Variants in KCNK10 observed in about 807,000 individuals in gnomAD.
KCNK10 encodes the protein potassium two pore domain channel subfamily K member 10.
In KCNK10, 25 loss-of-function variants were observed where a neutral mutation model predicts 47.7. The observed-to-expected ratio is 0.52, with a 90% CI of 0.38 to 0.73. The LOEUF (loss-of-function observed/expected upper bound fraction) is 0.73. Among genes scored for constraint, KCNK10 ranks in the 30% least tolerant of loss-of-function variants. The pLI, the probability that KCNK10 is intolerant of heterozygous loss-of-function variation, is 0.00. For missense variants in KCNK10, 563 were observed against 714.5 expected (o/e 0.79, Z 2.42); for synonymous variants, 303 against 285.6 (o/e 1.06, Z -0.61).
intron 1 of KCNK10, among the ~76,000 whole-genome samples, chr14:88,311,326 G>T (rs531371032): frequency 2.7e-5 from 4 of 146,516 alleles, no homozygotes; most frequent in African/African-American, 7.7e-5. Context: ...AGACATTCCT[G>T]TTATTCTCAG....
intron 1 of KCNK10, among the ~76,000 whole-genome samples, chr14:88,287,677 GTGTGTGT>G (rs1566715209): frequency 0.051 from 1,862 of 36,864 alleles, 23 homozygotes; most frequent in Middle Eastern, 0.087. Context: ...ATTCCATGGT[GTGTGTGT>G]GTGTGTGTGT....
rs999008261 is a variant in KCNK10, at chr14:88,181,455, G to T, written c.*4080C>A. ...GTGTGTGTGTGAGAGAGAGAGAGATGTCTGTCTGATCATAGTACTTGAATT... is the reference window on the plus strand; with the variant it reads ...GTGTGTGTGTGAGAGAGAGAGAGATTTCTGTCTGATCATAGTACTTGAATT... On this transcript the variant is annotated 3_prime_UTR_variant, in exon 7 of 7. Coordinates refer to ENST00000319231, the MANE Select transcript of KCNK10 (RefSeq NM_138317.3). 4 of 151,992 alleles carry T rather than the reference G, an allele frequency of 2.6e-5. No homozygotes were observed. The highest frequency in any genetic ancestry group is 5.9e-5 in the Non-Finnish European group (4 of 68,102). 9.4% of individuals were successfully genotyped at this position (151,992 alleles called of 1,614,324 possible).
rs1887082000 is a variant in KCNK10 at position 88,260,554 on chromosome 14, A to G, written c.402+2648T>C. Among the ~76,000 whole-genome samples, 1 of 152,216 alleles carries G rather than the reference A, an allele frequency of 6.6e-6. No homozygotes were observed. Among genetic ancestry groups the G allele is most frequent in the African/African-American group, 2.4e-5 (1 of 41,466 alleles). On this transcript the variant is annotated intron_variant, in intron 2 of 6. Transcript: ENST00000319231. This position sits in a 1 kb window ranked among gnomAD's most constrained non-coding sequence, Gnocchi z 4.5. ...CAAGATCTACTTAAAGGGCCTGTAG[A>G]CTATTTGGATGAGAGAGTGTACAGT... is the stretch of plus-strand genomic sequence containing the variant.
Position 88,322,605 on chromosome 14 carries a change from C to T in KCNK10, c.52+142G>A, listed in dbSNP as rs1888570368. 9.0e-7 allele frequency: 1 copy of T among 1,110,548 alleles called. No homozygotes were observed. Among genetic ancestry groups the T allele is most frequent in the Non-Finnish European group, 1.3e-6 (1 of 754,842 alleles). The allele number at this position is 1,110,548 out of a possible 1,614,324, so 68.8% of individuals were successfully genotyped here. A position where few individuals can be genotyped will look rare whatever the true frequency, so the allele number is the denominator to read the frequency against. ...GAACCCACGCTGCCTCCGCCCTCCT[C>T]CCACCCGCGCTGCAGTTCCCAGGCG... is the stretch of plus-strand genomic sequence containing the variant. On this transcript the variant is annotated intron_variant, in intron 1 of 6. Coordinates refer to ENST00000319231, the MANE Select transcript of KCNK10 (RefSeq NM_138317.3). The surrounding 1 kb of genome is among the most constrained non-coding windows in gnomAD (Gnocchi z 4.8).
At chr14:88,305,114 G>A (rs377656656) in intron 1 of KCNK10, among the ~76,000 whole-genome samples, 5 of 151,938 alleles carry the variant, frequency 3.3e-5, no homozygotes, top group East Asian at 1.9e-4. Flanking sequence ...TGGGAGAATC[G>A]CTTGAACCTG....
At chr14:88,209,056 G>T (rs1293411448) in intron 4 of KCNK10, among the ~76,000 whole-genome samples, 1 of 152,192 alleles carries the variant, frequency 6.6e-6, no homozygotes, top group Non-Finnish European at 1.5e-5. Context: ...CACTCAATCT[G>T]AGAGGGGAAA....
intron 2 of KCNK10, among the ~76,000 whole-genome samples, chr14:88,250,656 A>G (rs1337980417): frequency 6.6e-6 from 1 of 152,182 alleles, no homozygotes. Context: ...ATGTCCCTAA[A>G]TAGGGAAATA....
Position 88,181,439 on chromosome 14 carries a change from T to TAA in KCNK10, c.*4095_*4096insTT, listed in dbSNP as rs1884351520. ...GCGTGTGTGTGTGTGTGTGTGTGTG[T>TAA]GAGAGAGAGAGAGATGTCTGTCTGA... On this transcript the variant is annotated 3_prime_UTR_variant, in exon 7 of 7. Coordinates refer to ENST00000319231, the MANE Select transcript of KCNK10 (RefSeq NM_138317.3). 7.9e-6 allele frequency: 1 copy of TAA among 126,150 alleles called. No individual in the cohort carries two copies. The highest frequency in any genetic ancestry group is 1.5e-5 in the Non-Finnish European group (1 of 64,808). 7.8% of individuals were successfully genotyped at this position (126,150 alleles called of 1,614,324 possible).
At chr14:88,221,679 C>T (rs1257609340) in intron 4 of KCNK10, among the ~76,000 whole-genome samples, 1 of 152,170 alleles carries the variant, frequency 6.6e-6, no homozygotes, top group East Asian at 1.9e-4. Flanking sequence ...ACCATCCAAT[C>T]CAGTCATCAC....
chr14:88,280,272 G>C (rs1887621030), intron 1 of KCNK10, among the ~76,000 whole-genome samples: 1 of 151,982 alleles, frequency 6.6e-6, no homozygotes, highest in South Asian at 2.1e-4. Flanking sequence ...AAAGCTCCCT[G>C]CTTACAGCCT....
At chr14:88,254,401 C>T (rs1324184580) in intron 2 of KCNK10, among the ~76,000 whole-genome samples, 1 of 152,026 alleles carries the variant, frequency 6.6e-6, no homozygotes, top group Non-Finnish European at 1.5e-5. Flanking sequence ...AAATGCTATT[C>T]CCTTCAGCGA....
chr14:88,222,041 G>A (rs1885828186), intron 4 of KCNK10, among the ~76,000 whole-genome samples: 1 of 152,208 alleles, frequency 6.6e-6, no homozygotes, highest in Non-Finnish European at 1.5e-5. Flanking sequence ...GGAACAAAAA[G>A]AGGCTTAATT....
chr14:88,217,724 T>A (rs985725377), intron 4 of KCNK10, among the ~76,000 whole-genome samples: 12 of 127,010 alleles, frequency 9.4e-5, no homozygotes, highest in Non-Finnish European at 1.8e-4. Flanking sequence ...CCAAGTAATT[T>A]GAATCTTTTT....
intron 2 of KCNK10, 40 bp from the exon 3 acceptor site, chr14:88,240,860 G>A: frequency 1.6e-6 from 2 of 1,217,328 alleles, no homozygotes; most frequent in South Asian, 1.3e-5. Context: ...CAGTTTAAAA[G>A]TTGTTTATTT....
At chr14:88,256,685 A>C (rs527885287) in intron 2 of KCNK10, among the ~76,000 whole-genome samples, 2 of 152,276 alleles carry the variant, frequency 1.3e-5, no homozygotes, top group Non-Finnish European at 2.9e-5. Flanking sequence ...TTTCTATGAG[A>C]AAATCCAGAG....
intron 1 of KCNK10, among the ~76,000 whole-genome samples, chr14:88,274,939 C>T (rs1887494842): frequency 6.6e-6 from 1 of 152,154 alleles, no homozygotes; most frequent in Non-Finnish European, 1.5e-5. Flanking sequence ...GTTCTCTCTT[C>T]TGCTCTCAGC....
chr14:88,235,427 C>G (rs1393791029), intron 3 of KCNK10: 2 of 339,564 alleles, frequency 5.9e-6, no homozygotes, highest in East Asian at 1.5e-4. Flanking sequence ...AAATTGTGAC[C>G]AAGTATGAAA....
chr14:88,251,232 C>CAAAAAAAA (rs1160023262), intron 2 of KCNK10, among the ~76,000 whole-genome samples: 1 of 70,200 alleles, frequency 1.4e-5, no homozygotes, highest in Non-Finnish European at 2.6e-5. Context: ...GACTCTGTCT[C>CAAAAAAAA]AAAAAAAAAA....
intron 1 of KCNK10, among the ~76,000 whole-genome samples, chr14:88,281,727 CATATAT>C (rs10541410): frequency 0.027 from 3,758 of 141,666 alleles, 161 homozygotes; most frequent in African/African-American, 0.095. Flanking sequence ...TCTCTCTCTC[CATATAT>C]ATATATATAT....
Sources: gnomAD v4.1 joint callset for allele counts (sites outside exome capture counted in the v4.1 genomes callset) on GRCh38, gnomAD v4.1.1 for gene constraint, Gnocchi (gnomAD v3.1) non-coding constraint, MANE v1.5 for transcripts, NCBI Gene and HGNC (gene_info 2026-07-23, HGNC 2026-07-21) for gene names.